The following SLC24A3 variants were observed in gnomAD, a reference collection of about 807,000 sequenced individuals.
The protein encoded by SLC24A3 is solute carrier family 24 member 3.
In SLC24A3, 28 loss-of-function variants were observed where a neutral mutation model predicts 75.8. The observed-to-expected ratio is 0.37, with a 90% confidence interval of 0.27 to 0.51. The LOEUF is 0.51. Ranked by LOEUF, SLC24A3 falls within the 20% of genes least tolerant of loss-of-function variation. SLC24A3 has a pLI of 0.94. For synonymous variants in SLC24A3, 372 were observed against 334.1 expected (o/e 1.11, Z -1.24); for missense variants, 663 against 847.8 (o/e 0.78, Z 2.71).
In SLC24A3 at chr20:19,531,203, AT is replaced by A. The variant is rs534940844; in HGVS notation, c.348+15643del. Among the ~76,000 whole-genome samples, 668 of 152,252 alleles carry A rather than the reference AT, an allele frequency of 4.4e-3. 3 individuals are homozygous for A. Among genetic ancestry groups the A allele is most frequent in the African/African-American group, 0.015 (628 of 41,558 alleles). On this transcript the variant is annotated intron_variant, in intron 3 of 16. Transcript: ENST00000328041. Reference sequence around the variant, plus strand: ...CAGGTTAACAGGCCACTGGTCACCCATTTTATTTTTCAGTCACAAATGGACC... The same window carrying A: ...CAGGTTAACAGGCCACTGGTCACCCATTTATTTTTCAGTCACAAATGGACC...
intron 2 of SLC24A3, among the ~76,000 whole-genome samples, chr20:19,302,468 A>G (rs2122247724): frequency 6.6e-6 from 1 of 152,360 alleles, no homozygotes; most frequent in South Asian, 2.1e-4. Context: ...TTTATTTGCC[A>G]AATTAATAAA....
At chr20:19,221,399 C>A (rs1379692174) in intron 1 of SLC24A3, among the ~76,000 whole-genome samples, 1 of 152,168 alleles carries the variant, frequency 6.6e-6, no homozygotes, top group Non-Finnish European at 1.5e-5. Context: ...TTTCTTTTAA[C>A]TTTCCCTTGG....
intron 15 of SLC24A3, among the ~76,000 whole-genome samples, chr20:19,704,415 G>C (rs2032905699): frequency 1.3e-5 from 2 of 152,092 alleles, no homozygotes; most frequent in South Asian, 4.1e-4. Flanking sequence ...TTTCAACCAG[G>C]GCTTATTATG....
intron 2 of SLC24A3, among the ~76,000 whole-genome samples, chr20:19,300,038 G>A (rs1984158603): frequency 6.6e-6 from 1 of 152,186 alleles, no homozygotes. Context: ...CACAATGAGA[G>A]GTAATTCCTG....
intron 2 of SLC24A3, among the ~76,000 whole-genome samples, chr20:19,419,648 G>A (rs1216762823): frequency 3.3e-5 from 5 of 152,034 alleles, no homozygotes; most frequent in Non-Finnish European, 5.9e-5. Context: ...TGGGAAAAGG[G>A]TGTGCAGCCT....
At chr20:19,546,523 G>A (rs1416660308) in intron 3 of SLC24A3, among the ~76,000 whole-genome samples, 3 of 152,158 alleles carry the variant, frequency 2.0e-5, no homozygotes, top group Non-Finnish European at 2.9e-5. Context: ...TCACCCTCAT[G>A]TCTGTCCCAC....
chr20:19,506,773 C>G (rs778798180), intron 2 of SLC24A3, among the ~76,000 whole-genome samples: 8 of 152,180 alleles, frequency 5.3e-5, no homozygotes, highest in Admixed American at 2.0e-4. Context: ...GTGATAAGGG[C>G]TGTGTACCTT....
intron 2 of SLC24A3, among the ~76,000 whole-genome samples, chr20:19,384,467 T>G (rs1436267400): frequency 1.3e-5 from 2 of 152,240 alleles, no homozygotes; most frequent in Non-Finnish European, 2.9e-5. Context: ...CTTAGCATAA[T>G]GCCCAGTAGG....
At chr20:19,326,125 C>G (rs1351929473) in intron 2 of SLC24A3, among the ~76,000 whole-genome samples, 4 of 151,882 alleles carry the variant, frequency 2.6e-5, no homozygotes, top group Admixed American at 2.0e-4. Flanking sequence ...GTTGTTCTGC[C>G]TGGCACGTGA....
intron 2 of SLC24A3, among the ~76,000 whole-genome samples, chr20:19,514,562 G>A (rs771934691): frequency 2.2e-4 from 34 of 152,288 alleles, no homozygotes; most frequent in African/African-American, 6.0e-4. Flanking sequence ...GCTTCCTGCC[G>A]CGCCTGGTGG....
intron 1 of SLC24A3, among the ~76,000 whole-genome samples, chr20:19,216,310 T>A (rs1289906009): frequency 2.0e-5 from 3 of 152,048 alleles, no homozygotes; most frequent in African/African-American, 7.3e-5. Flanking sequence ...TTTCCAGAAG[T>A]AGTGTGGATA....
intron 2 of SLC24A3, among the ~76,000 whole-genome samples, chr20:19,480,572 C>A (rs73275225): frequency 0.023 from 3,515 of 152,252 alleles, 153 homozygotes; most frequent in African/African-American, 0.079. Flanking sequence ...CATCCTCTGC[C>A]CTAGACTTGG....
At chr20:19,601,623 GA>G (rs1252711970) in intron 6 of SLC24A3, among the ~76,000 whole-genome samples, 2 of 152,058 alleles carry the variant, frequency 1.3e-5, no homozygotes, top group Admixed American at 6.5e-5. Flanking sequence ...CCCTTTCTCA[GA>G]ACGGTGTTGA....
Position 19,464,101 on chromosome 20 carries a change from A to C in SLC24A3, c.272-51387A>C, listed in dbSNP as rs3790219. 2.8e-4 allele frequency among the ~76,000 whole-genome samples: 43 copies of C among 152,342 alleles called. 3 individuals carry two copies. In the East Asian group the frequency reaches 8.3e-3, roughly 29 times the overall value. On this transcript the variant is annotated intron_variant, in intron 2 of 16. Coordinates refer to ENST00000328041, the MANE Select transcript of SLC24A3 (RefSeq NM_020689.4). The stretch of plus-strand genomic sequence containing the variant: ...TGAAAAGATCAGTAGAACCTGGAGA[A>C]AGGTGTCATGAAAGGCTCTTCATCA...
intron 2 of SLC24A3, among the ~76,000 whole-genome samples, chr20:19,297,155 A>G (rs994146120): frequency 5.9e-5 from 9 of 152,196 alleles, no homozygotes; most frequent in Admixed American, 6.5e-5. Flanking sequence ...GTGGCCATCC[A>G]TCAATCCATG....
chr20:19,353,387 A>T (rs967177678), intron 2 of SLC24A3, among the ~76,000 whole-genome samples: 5 of 151,448 alleles, frequency 3.3e-5, no homozygotes, highest in Admixed American at 6.6e-5. Flanking sequence ...ATAGCTATTT[A>T]AAAAAAAATA....
chr20:19,481,212 A>G (rs1210275027), intron 2 of SLC24A3, among the ~76,000 whole-genome samples: 1 of 134,022 alleles, frequency 7.5e-6, no homozygotes, highest in Non-Finnish European at 1.6e-5. Flanking sequence ...CTACATTGCT[A>G]CGTCCTGGCT....
At chr20:19,632,729 A>G (rs1241734327) in intron 6 of SLC24A3, among the ~76,000 whole-genome samples, 4 of 152,204 alleles carry the variant, frequency 2.6e-5, no homozygotes, top group Non-Finnish European at 4.4e-5. Context: ...GCTCAGCACA[A>G]GGGAAAAAGA....
At chr20:19,281,839 A>AT (rs1162230817) in intron 2 of SLC24A3, among the ~76,000 whole-genome samples, 2 of 152,126 alleles carry the variant, frequency 1.3e-5, no homozygotes, top group Admixed American at 1.3e-4. Flanking sequence ...TCTTAAAATA[A>AT]TTTTTTATAA....
Sources: gnomAD v4.1 joint callset for allele counts (sites outside exome capture counted in the v4.1 genomes callset) on GRCh38, gnomAD v4.1.1 for gene constraint, MANE v1.5 for transcripts, NCBI Gene and HGNC (gene_info 2026-07-23, HGNC 2026-07-21) for gene names.